The following UBR2 variants were observed in gnomAD, a reference collection of about 807,000 sequenced individuals.
UBR2 encodes E3 ubiquitin-protein ligase UBR2.
In UBR2, 92 loss-of-function variants were observed where a neutral mutation model predicts 247.9. That is an observed-to-expected ratio of 0.37 (90% CI 0.31 to 0.44). The LOEUF is 0.44. UBR2 is among the 20% of genes least tolerant of loss of function. The probability of loss-of-function intolerance (pLI) is 1.00; values close to 1 mark genes in which losing one functional copy is unlikely to be tolerated. For missense variants in UBR2, 1,613 were observed against 2,112.6 expected, an observed-to-expected ratio of 0.76 and a Z score of 4.64; for synonymous variants, 672 against 693.5, an observed-to-expected ratio of 0.97 and a Z score of 0.49.
intron 2 of UBR2, among the ~76,000 whole-genome samples, chr6:42,586,797 T>C: frequency 1.3e-5 from 2 of 151,268 alleles, no homozygotes. Flanking sequence ...TTTCTGCTTC[T>C]TGTCATATAT....
In UBR2 at chr6:42,569,044, A is replaced by G. The variant is rs111592050; in HGVS notation, c.78+4647A>G. Among the ~76,000 whole-genome samples, 203 of 152,232 alleles carry G rather than the reference A, an allele frequency of 1.3e-3. 3 individuals are homozygous for G. Among genetic ancestry groups the G allele is most frequent in the African/African-American group, 4.6e-3 (192 of 41,516 alleles). The stretch of plus-strand genomic sequence containing the variant: ...AAATGACATTCCTTTGTATAGATAA[A>G]CCATATATTATTTATCTGTTCATCA... On this transcript the variant is annotated intron_variant, in intron 1 of 46. Coordinates refer to ENST00000372901, the MANE Select transcript of UBR2 (RefSeq NM_001363705.2).
At chr6:42,619,777 G>A (rs965920493) in intron 11 of UBR2, 1 of 195,796 alleles carries the variant, frequency 5.1e-6, no homozygotes, top group African/African-American at 2.4e-5. Flanking sequence ...GAGTGAGGTG[G>A]CACGATCACA....
Position 42,689,927 on chromosome 6 carries a change from C to T in UBR2, c.5126+257C>T, listed in dbSNP as rs1259097193. 6.6e-6 allele frequency among the ~76,000 whole-genome samples: 1 copy of T among 152,146 alleles called. No individual in the cohort carries two copies. Among genetic ancestry groups the T allele is most frequent in the Non-Finnish European group, 1.5e-5 (1 of 68,008 alleles). ...TTATTCCATTTATCACTCCAAAGAA[C>T]TGTTTGAATTGCCATATAGCATCCC... On this transcript the variant is annotated intron_variant, in intron 46 of 46. Coordinates refer to ENST00000372901, the MANE Select transcript of UBR2 (RefSeq NM_001363705.2). The surrounding 1 kb of genome is among the most constrained non-coding windows in gnomAD (Gnocchi z 4.0).
chr6:42,690,993 CAG>C, intron 46 of UBR2, 37 bp from the exon 47 acceptor site: 2 of 1,610,564 alleles, frequency 1.2e-6, no homozygotes, highest in South Asian at 2.2e-5. Context: ...GAGGAATAAA[CAG>C]AACACATTCT....
rs548641997 is a variant in UBR2 at position 42,689,732 on chromosome 6, G to A, written c.5126+62G>A. ...GCAGCGCCCTTCCGTATGTGGTGAC[G>A]TCCTGAGGGTGGAGGGCTGAGGTGG... On this transcript the variant is annotated intron_variant, in intron 46 of 46. Transcript: ENST00000372901. The surrounding 1 kb of genome is among the most constrained non-coding windows in gnomAD (Gnocchi z 4.0). 9.0e-6 allele frequency: 13 copies of A among 1,439,038 alleles called. No homozygotes were observed. The highest frequency in any genetic ancestry group is 4.6e-5 in the East Asian group (2 of 43,810). The allele number at this position is 1,439,038 out of a possible 1,614,324, so 89.1% of individuals were successfully genotyped here.
Position 42,659,552 on chromosome 6 carries a change from CACACACACACT to C in UBR2, c.3243-93_3243-83del, listed in dbSNP as rs1377579051. 1.0e-5 allele frequency: 8 copies of C among 793,066 alleles called. No individual in the cohort carries two copies. Among genetic ancestry groups the C allele is most frequent in the African/African-American group, 9.0e-5 (5 of 55,264 alleles). The allele number at this position is 793,066 out of a possible 1,614,324, so 49.1% of individuals were successfully genotyped here. The stretch of plus-strand genomic sequence containing the variant: ...ACACACACACACACACACACACACA[CACACACACACT>C]ACACACACACACACATACCTGTAGT... On this transcript the variant is annotated intron_variant, in intron 29 of 46. Coordinates refer to ENST00000372901, the MANE Select transcript of UBR2 (RefSeq NM_001363705.2). The surrounding 1 kb of genome is among the most constrained non-coding windows in gnomAD (Gnocchi z 4.3).
chr6:42,644,302 A>G lies in UBR2; in HGVS notation c.2186A>G (p.Tyr729Cys). ...ELYQIFSTPD[Y>C]GKRFSSEITH... ...TATCAGATTTTCAGTACTCCAGACT[A>G]TGGAAAAAGATTTAGTTCTGAGATT... The change falls in exon 19 of 47, where the codon TAT (tyrosine) becomes TGT (cysteine). Residue 729 changes from tyrosine to cysteine, a missense_variant. Around this residue, in one of 3 missense-constraint regions of UBR2, gnomAD observed 1,524 missense variants for 1,967.3 expected, o/e 0.77. Coordinates refer to ENST00000372901, the MANE Select transcript of UBR2 (RefSeq NM_001363705.2). The G allele has an allele frequency of 2.5e-6, 4 of 1,613,548 alleles. No homozygotes were observed. In the African/African-American group the frequency reaches 4.0e-5, roughly 16 times the overall value.
intron 9 of UBR2, 35 bp downstream of exon 9, chr6:42,615,213 A>G (rs759284988): frequency 3.3e-6 from 5 of 1,520,924 alleles, no homozygotes; most frequent in African/African-American, 1.4e-5. Context: ...GTGTAGAGGA[A>G]CCTATATAAG....
intron 7 of UBR2, among the ~76,000 whole-genome samples, chr6:42,608,348 G>A (rs1435531256): frequency 2.0e-5 from 3 of 152,008 alleles, no homozygotes; most frequent in Non-Finnish European, 1.5e-5. Flanking sequence ...CCAGACACTG[G>A]GGCTCACATC....
rs772522268 is a variant in UBR2 at position 42,676,185 on chromosome 6, T to G, written c.4381T>G (p.Cys1461Gly). 6.3e-7 allele frequency: 1 copy of G among 1,591,028 alleles called. No homozygotes were observed. The highest frequency in any genetic ancestry group is 8.5e-7 in the Non-Finnish European group (1 of 1,173,400). The change falls in exon 39 of 47, where the codon TGT becomes GGT. Residue 1461 changes from cysteine to glycine, a missense_variant. Physicochemically the swap from Cys to Gly is radical, Grantham distance 159. Around this residue, in one of 3 missense-constraint regions of UBR2, gnomAD observed 1,524 missense variants for 1,967.3 expected, o/e 0.77. Transcript: ENST00000372901. ...AHIIQILLTS[C>G]TEENGMDQEN... ...CATCATACAGATCTTACTTACCTCA[T>G]GTACAGGTAACTCTTGCCTTTTTGT...
chr6:42,669,849 G>A (rs532196447), intron 34 of UBR2, among the ~76,000 whole-genome samples: 85 of 152,348 alleles, frequency 5.6e-4, no homozygotes, highest in African/African-American at 2.0e-3. Flanking sequence ...ATCTCATTGT[G>A]TAGTGTGTAG....
At position 42,592,233 on chromosome 6, in the gene UBR2, A is replaced by G; in HGVS notation, c.417+4A>G. 2 of 1,555,422 alleles carry G rather than the reference A, an allele frequency of 1.3e-6. No homozygotes were observed. Among genetic ancestry groups the G allele is most frequent in the Non-Finnish European group, 1.7e-6 (2 of 1,157,774 alleles). ...TCACAGAGATCATCGATATAGGGTT[A>G]GTAATGTCCAAATAATAACCATGCG... On this transcript the variant is annotated splice_donor_region_variant and intron_variant, in intron 3 of 46. Coordinates refer to ENST00000372901, the MANE Select transcript of UBR2 (RefSeq NM_001363705.2).
chr6:42,670,293 A>G, intron 35 of UBR2, 53 bp downstream of exon 35: 1 of 1,584,066 alleles, frequency 6.3e-7, no homozygotes, highest in Non-Finnish European at 8.6e-7. Context: ...ATTGATATGA[A>G]TTAGGCATAG....
At chr6:42,673,709 C>T (rs900334526) in intron 36 of UBR2, 82 bp from the exon 37 acceptor site, 15 of 930,664 alleles carry the variant, frequency 1.6e-5, no homozygotes, top group Non-Finnish European at 2.4e-5. Context: ...CATTGTGCAT[C>T]CAGCTGTGCT....
chr6:42,619,154 C>A (rs986198769), intron 11 of UBR2, among the ~76,000 whole-genome samples: 15 of 151,828 alleles, frequency 9.9e-5, no homozygotes, highest in African/African-American at 3.1e-4. Context: ...TAGCTTAAAT[C>A]TCCTTTCATT....
intron 1 of UBR2, among the ~76,000 whole-genome samples, chr6:42,571,978 G>A (rs1482942921): frequency 6.6e-6 from 1 of 151,914 alleles, no homozygotes; most frequent in Non-Finnish European, 1.5e-5. Context: ...TTTTGATTGA[G>A]TCACTCTGAA....
At chr6:42,642,212 G>A (rs150888686) in intron 17 of UBR2, among the ~76,000 whole-genome samples, 1 of 152,232 alleles carries the variant, frequency 6.6e-6, no homozygotes, top group African/African-American at 2.4e-5. Flanking sequence ...CAGCAAGTTA[G>A]CTGCAAAATG....
intron 2 of UBR2, among the ~76,000 whole-genome samples, chr6:42,589,936 A>G (rs1279828988): frequency 6.6e-6 from 1 of 152,166 alleles, no homozygotes; most frequent in Non-Finnish European, 1.5e-5. Flanking sequence ...CAGTTTGACT[A>G]TGATAGGCCT....
intron 11 of UBR2, among the ~76,000 whole-genome samples, chr6:42,627,712 A>G (rs1185771714): frequency 2.6e-5 from 4 of 151,700 alleles, no homozygotes; most frequent in African/African-American, 4.9e-5. Context: ...ATGTCTTGCT[A>G]TGTTGCCTGG....
Sources: allele counts gnomAD v4.1 joint callset (sites outside exome capture counted in the v4.1 genomes callset), GRCh38; gene constraint gnomAD v4.1.1; regional missense constraint gnomAD v4.1.1; non-coding constraint Gnocchi (gnomAD v3.1); transcripts MANE v1.5; gene names NCBI Gene and HGNC (gene_info 2026-07-23, HGNC 2026-07-21).